The following SRPK2 variants were observed in gnomAD, a reference collection of about 807,000 sequenced individuals.
SRPK2 encodes SRSF protein kinase 2, also known as SFRS protein kinase 2.
In SRPK2, 21 loss-of-function variants were observed where a neutral mutation model predicts 90.8. The observed-to-expected ratio is 0.23, with a 90% CI of 0.16 to 0.33. The LOEUF (loss-of-function observed/expected upper bound fraction) is 0.33, where lower values mean the gene tolerates loss of function less well. SRPK2 is among the 10% of genes least tolerant of loss of function. The probability of loss-of-function intolerance (pLI) is 1.00; values close to 1 mark genes in which losing one functional copy is unlikely to be tolerated. For missense variants in SRPK2, 620 were observed against 869.0 expected (o/e 0.71, Z 3.60); for synonymous variants, 288 against 311.1 (o/e 0.93, Z 0.78).
intron 7 of SRPK2, among the ~76,000 whole-genome samples, chr7:105,160,081 T>C (rs892054741): frequency 3.3e-5 from 5 of 152,206 alleles, no homozygotes; most frequent in Non-Finnish European, 7.3e-5. Flanking sequence ...ACGTTATAAC[T>C]GAAACTTTGT....
chr7:105,357,544 G>A (rs12705306), intron 2 of SRPK2, among the ~76,000 whole-genome samples: 41,572 of 151,762 alleles, frequency 0.27, 6,223 homozygotes, highest in Middle Eastern at 0.33. Context: ...AGGAGTTCAG[G>A]ACCAGCCTAG....
intron 2 of SRPK2, among the ~76,000 whole-genome samples, chr7:105,258,417 CAAAAA>C (rs33941320): frequency 5.6e-4 from 68 of 121,614 alleles, no homozygotes; most frequent in African/African-American, 1.9e-3. Context: ...AACTCGGTCT[CAAAAA>C]AAAAAAAAAA....
At chr7:105,255,687 T>A (rs1487077289) in intron 2 of SRPK2, among the ~76,000 whole-genome samples, 1 of 152,120 alleles carries the variant, frequency 6.6e-6, no homozygotes, top group Non-Finnish European at 1.5e-5. Context: ...ATCCCAGCAC[T>A]TTGGGAGGCT....
At chr7:105,177,191 A>G (rs1792083149) in intron 3 of SRPK2, among the ~76,000 whole-genome samples, 1 of 152,236 alleles carries the variant, frequency 6.6e-6, no homozygotes, top group Admixed American at 6.5e-5. Flanking sequence ...ATATGCAGAG[A>G]TATCAATGAA....
At chr7:105,181,966 C>G (rs1242710372) in intron 3 of SRPK2, among the ~76,000 whole-genome samples, 1 of 151,242 alleles carries the variant, frequency 6.6e-6, no homozygotes, top group East Asian at 1.9e-4. Flanking sequence ...CGGGGGCTCA[C>G]GCCTGTAATC....
At chr7:105,374,157 C>T (rs1167637795) in intron 2 of SRPK2, among the ~76,000 whole-genome samples, 3 of 152,012 alleles carry the variant, frequency 2.0e-5, no homozygotes, top group South Asian at 4.1e-4. Flanking sequence ...AAACTCCTCA[C>T]CTCAAGTGAT....
At position 105,255,905 on chromosome 7, in the gene SRPK2, T is replaced by C. The variant is rs535535171; in HGVS notation, c.72-52120A>G. Reference sequence around the variant, plus strand: ...CAAGATTGCACTCCAGCCTGGGCGATAGTGTGAGTCCATCTCAAATTGAAA... The same window carrying C: ...CAAGATTGCACTCCAGCCTGGGCGACAGTGTGAGTCCATCTCAAATTGAAA... On this transcript the variant is annotated intron_variant, in intron 2 of 15. Coordinates refer to ENST00000393651, the MANE Select transcript of SRPK2 (RefSeq NM_182692.3). Among the ~76,000 whole-genome samples the C allele has an allele frequency of 1.3e-4, 20 of 148,816 alleles. No homozygotes were observed. The South Asian group carries it at 3.2e-3, about 24-fold the overall frequency.
intron 2 of SRPK2, among the ~76,000 whole-genome samples, chr7:105,312,632 A>G (rs1811847417): frequency 6.6e-6 from 1 of 152,194 alleles, no homozygotes; most frequent in South Asian, 2.1e-4. Flanking sequence ...ATCAACAAAT[A>G]TAATAAAACC....
intron 3 of SRPK2, among the ~76,000 whole-genome samples, chr7:105,171,168 G>A (rs984366602): frequency 6.6e-6 from 1 of 152,078 alleles, no homozygotes; most frequent in African/African-American, 2.4e-5. Flanking sequence ...CAAGTAGGGT[G>A]CCTCACTGAT....
At chr7:105,326,485 T>G (rs999273502) in intron 2 of SRPK2, among the ~76,000 whole-genome samples, 2 of 152,248 alleles carry the variant, frequency 1.3e-5, no homozygotes, top group Non-Finnish European at 2.9e-5. Context: ...AGAAGTGCAC[T>G]GATTTGCCCA....
chr7:105,301,714 G>A (rs891784977), intron 2 of SRPK2: 50 of 1,610,154 alleles, frequency 3.1e-5, no homozygotes, highest in Middle Eastern at 2.2e-4. Context: ...ATCTATGAAC[G>A]CTTTTTTTTT....
At chr7:105,299,330 G>C (rs745600044) in intron 2 of SRPK2, among the ~76,000 whole-genome samples, 1 of 152,158 alleles carries the variant, frequency 6.6e-6, no homozygotes, top group Non-Finnish European at 1.5e-5. Context: ...AGGTGGAAGA[G>C]CCTGATACTT....
At chr7:105,232,602 C>G (rs920077426) in intron 2 of SRPK2, among the ~76,000 whole-genome samples, 2 of 74,678 alleles carry the variant, frequency 2.7e-5, no homozygotes, top group African/African-American at 1.0e-4. Context: ...AGTGAAAAGG[C>G]TGCAAAACAA....
intron 2 of SRPK2, among the ~76,000 whole-genome samples, chr7:105,371,679 G>C (rs1429187756): frequency 1.3e-5 from 2 of 151,350 alleles, no homozygotes; most frequent in Admixed American, 1.3e-4. Flanking sequence ...AGGATCACTA[G>C]AGTCCAGGAG....
At chr7:105,340,215 G>C (rs367552715) in intron 2 of SRPK2, among the ~76,000 whole-genome samples, 3 of 151,854 alleles carry the variant, frequency 2.0e-5, no homozygotes, top group Non-Finnish European at 4.4e-5. Context: ...AATTCTGTGC[G>C]AGAAAATAGG....
rs190378555 is a variant in SRPK2 at position 105,301,128 on chromosome 7, C to G, written c.71+87520G>C. On this transcript the variant is annotated intron_variant, in intron 2 of 15. Coordinates refer to ENST00000393651, the MANE Select transcript of SRPK2 (RefSeq NM_182692.3). ...ACTGGGAACCAACCCAAATGTCCAT[C>G]AATGATAGACTGGATTAAGAAAATG... Among the ~76,000 whole-genome samples, 128 of 152,266 alleles carry G rather than the reference C, an allele frequency of 8.4e-4. 1 individual carries two copies. Among genetic ancestry groups the G allele is most frequent in the African/African-American group, 2.8e-3 (117 of 41,552 alleles).
At chr7:105,154,575 C>CT (rs1333106148) in intron 7 of SRPK2, among the ~76,000 whole-genome samples, 1 of 152,196 alleles carries the variant, frequency 6.6e-6, no homozygotes, top group Non-Finnish European at 1.5e-5. Flanking sequence ...TCTCGGCATA[C>CT]TAGAGGGTTG....
intron 2 of SRPK2, chr7:105,244,561 G>T: frequency 1.7e-6 from 1 of 579,366 alleles, no homozygotes; most frequent in Non-Finnish European, 3.1e-6. Flanking sequence ...GCGACAGAAC[G>T]AGACTCCGTC....
chr7:105,236,375 TCTTCC>T (rs1800142472), intron 2 of SRPK2, among the ~76,000 whole-genome samples: 1 of 152,174 alleles, frequency 6.6e-6, no homozygotes, highest in African/African-American at 2.4e-5. Context: ...ACAGAGTGCA[TCTTCC>T]CATCAACAGT....
Sources: allele counts gnomAD v4.1 joint callset (sites outside exome capture counted in the v4.1 genomes callset), GRCh38; gene constraint gnomAD v4.1.1; transcripts MANE v1.5; gene names NCBI Gene and HGNC (gene_info 2026-07-23, HGNC 2026-07-21).